Variants in ADGRG3 observed in about 807,000 individuals in gnomAD.
ADGRG3 encodes G protein-coupled receptor 97.
In ADGRG3, 39 loss-of-function variants were observed where a neutral mutation model predicts 54.3. That is an observed-to-expected ratio of 0.72 (90% CI 0.56 to 0.94). The LOEUF (loss-of-function observed/expected upper bound fraction) is 0.94. Among genes scored for constraint, ADGRG3 ranks in the 40% least tolerant of loss-of-function variants. ADGRG3 has a pLI of 0.00. For missense variants in ADGRG3, 654 were observed against 694.6 expected (o/e 0.94, Z 0.66); for synonymous variants, 312 against 290.0 (o/e 1.08, Z -0.77).
intron 2 of ADGRG3, chr16:57,674,726 G>A: frequency 3.1e-6 from 1 of 320,662 alleles, no homozygotes; most frequent in Non-Finnish European, 6.4e-6. Context: ...GCTCACACAA[G>A]TAATCCTAGC....
chr16:57,681,177 G>C (rs2048360652), intron 8 of ADGRG3: 3 of 160,408 alleles, frequency 1.9e-5, no homozygotes, highest in Non-Finnish European at 4.2e-5. Context: ...CAAAAATAGT[G>C]CAGAGTCCTG....
rs2048328777 is a variant in ADGRG3, at chr16:57,679,721, A to C, written c.628-95A>C. 1.1e-5 allele frequency: 11 copies of C among 969,288 alleles called. No individual in the cohort carries two copies. In the East Asian group the frequency reaches 2.4e-4, roughly 21 times the overall value. The allele number at this position is 969,288 out of a possible 1,614,324, so 60.0% of individuals were successfully genotyped here. A position where few individuals can be genotyped will look rare whatever the true frequency, so the allele number is the denominator to read the frequency against. On this transcript the variant is annotated intron_variant, in intron 5 of 11. Coordinates refer to ENST00000333493, the MANE Select transcript of ADGRG3 (RefSeq NM_170776.5). ...TGCTTTCTACCTAATGCACACTCAC[A>C]CTAGGACTCGGGGGAGCACACCGTC...
At chr16:57,670,434 G>A (rs776590713) in intron 1 of ADGRG3, among the ~76,000 whole-genome samples, 3 of 152,098 alleles carry the variant, frequency 2.0e-5, no homozygotes, top group Non-Finnish European at 4.4e-5. Context: ...CAGCAGGGCC[G>A]GGATGGCAGA....
rs2048199821 is a variant in ADGRG3 at position 57,673,481 on chromosome 16, C to G, written c.206+13C>G. The G allele has an allele frequency of 2.5e-6, 4 of 1,591,036 alleles. No homozygotes were observed. Among genetic ancestry groups the G allele is most frequent in the Non-Finnish European group, 3.4e-6 (4 of 1,161,336 alleles). On this transcript the variant is annotated intron_variant, in intron 2 of 11. Coordinates refer to ENST00000333493, the MANE Select transcript of ADGRG3 (RefSeq NM_170776.5). ...AAAACTTGCAGAGGTGAGGGGGCCCCCTGAGCTGGAGGGGGAATCTGAAGC... is the reference window on the plus strand; with the variant it reads ...AAAACTTGCAGAGGTGAGGGGGCCCGCTGAGCTGGAGGGGGAATCTGAAGC...
chr16:57,684,689 G>C (rs904023326), intron 10 of ADGRG3, among the ~76,000 whole-genome samples: 1 of 152,138 alleles, frequency 6.6e-6, no homozygotes, highest in African/African-American at 2.4e-5. Flanking sequence ...ATGAGAGAGG[G>C]GGCCTGAGAA....
chr16:57,670,215 G>C (rs552428067), intron 1 of ADGRG3, among the ~76,000 whole-genome samples: 3 of 152,352 alleles, frequency 2.0e-5, no homozygotes, highest in Admixed American at 2.0e-4. Flanking sequence ...AGAGGGTCTG[G>C]AGAGGAGGGG....
intron 11 of ADGRG3, among the ~76,000 whole-genome samples, chr16:57,687,700 A>T (rs990221118): frequency 6.6e-6 from 1 of 152,224 alleles, no homozygotes; most frequent in Non-Finnish European, 1.5e-5. Flanking sequence ...CCATGCCTGG[A>T]GAATCCCAGG....
At position 57,688,759 on chromosome 16, in the gene ADGRG3, A is replaced by C. The variant is rs1597785865; in HGVS notation, c.*298A>C. ...TGCCCTCATTGCAAAGCCCTCACTC[A>C]CCTTCTGGTCTCAGCAAGGGAGGAG... On this transcript the variant is annotated 3_prime_UTR_variant, in exon 12 of 12. Transcript: ENST00000333493. The C allele has an allele frequency of 6.5e-6, 2 of 307,940 alleles. No homozygotes were observed. Among genetic ancestry groups the C allele is most frequent in the East Asian group, 5.9e-5 (1 of 16,906 alleles). 19.1% of individuals were successfully genotyped at this position (307,940 alleles called of 1,614,324 possible). A position where few individuals can be genotyped will look rare whatever the true frequency, so the allele number is the denominator to read the frequency against.
intron 1 of ADGRG3, among the ~76,000 whole-genome samples, chr16:57,669,155 T>C (rs2048106728): frequency 6.6e-6 from 1 of 152,212 alleles, no homozygotes; most frequent in Non-Finnish European, 1.5e-5. Flanking sequence ...TGCTCCCTCC[T>C]CAGTGCTCCT....
intron 4 of ADGRG3, chr16:57,678,914 C>A: frequency 1.9e-6 from 1 of 533,768 alleles, no homozygotes; most frequent in Non-Finnish European, 3.4e-6. Flanking sequence ...GTTAAGAGGG[C>A]AGAGGAGCTC....
chr16:57,681,072 T>A (rs2148708661), intron 8 of ADGRG3: 1 of 164,856 alleles, frequency 6.1e-6, no homozygotes, highest in South Asian at 1.6e-4. Context: ...CCTTAGCTGC[T>A]TAGGCAGAAA....
chr16:57,674,886 C>T (rs904816064), intron 2 of ADGRG3, among the ~76,000 whole-genome samples: 26 of 146,570 alleles, frequency 1.8e-4, no homozygotes, highest in Non-Finnish European at 3.7e-4. Context: ...ATCCCAGCTA[C>T]TCGGGAGGCT....
intron 3 of ADGRG3, among the ~76,000 whole-genome samples, chr16:57,676,882 G>A (rs1450212608): frequency 6.6e-6 from 1 of 152,136 alleles, no homozygotes; most frequent in African/African-American, 2.4e-5. Context: ...AATGAGAGGA[G>A]CAAATGAGAT....
At chr16:57,683,833 T>G (rs1597778824) in intron 8 of ADGRG3, 99 bp from the exon 9 acceptor site, 8 of 864,512 alleles carry the variant, frequency 9.3e-6, no homozygotes, top group Admixed American at 3.1e-5. Context: ...GCAGTGGGGG[T>G]GGAGAGCCAT....
At position 57,688,828 on chromosome 16, in the gene ADGRG3, C is replaced by CCCT. The variant is rs2048521508; in HGVS notation, c.*377_*379dup. 2 of 176,438 alleles carry CCCT rather than the reference C, an allele frequency of 1.1e-5. No homozygotes were observed. The highest frequency in any genetic ancestry group is 2.9e-4 in the East Asian group (2 of 6,796). 10.9% of individuals were successfully genotyped at this position (176,438 alleles called of 1,614,324 possible). A position where few individuals can be genotyped will look rare whatever the true frequency, so the allele number is the denominator to read the frequency against. ...CCCTGGAAGGAGCCCCCAGCCTCTCCCCTCCTCCTCCTTGTCACTGGCCTC... is the reference window on the plus strand; with the variant it reads ...CCCTGGAAGGAGCCCCCAGCCTCTCCCCTCCTCCTCCTCCTTGTCACTGGCCTC... On this transcript the variant is annotated 3_prime_UTR_variant, in exon 12 of 12. Transcript: ENST00000333493.
chr16:57,678,072 C>T lies in ADGRG3; in HGVS notation c.346-98C>T, dbSNP rs2048294798. 6.1e-6 allele frequency: 9 copies of T among 1,484,372 alleles called. No homozygotes were observed. In the East Asian group the frequency reaches 1.4e-4, roughly 22 times the overall value. The allele number at this position is 1,484,372 out of a possible 1,614,324, so 92.0% of individuals were successfully genotyped here. A position where few individuals can be genotyped will look rare whatever the true frequency, so the allele number is the denominator to read the frequency against. ...AGCTGACAGTCCCCAGGTGCTGCCC[C>T]CTACCCAGTGTGCCTGCTTCCCCTC... On this transcript the variant is annotated intron_variant, in intron 3 of 11. Transcript: ENST00000333493.
chr16:57,678,338 A>C (rs373240069), intron 4 of ADGRG3, 22 bp downstream of exon 4: 4 of 1,613,216 alleles, frequency 2.5e-6, no homozygotes, highest in Non-Finnish European at 2.5e-6. Flanking sequence ...GGGAAGCTCC[A>C]AGGTTAAGTG....
At chr16:57,668,946 G>A (rs995795241) in intron 1 of ADGRG3, among the ~76,000 whole-genome samples, 3 of 152,242 alleles carry the variant, frequency 2.0e-5, no homozygotes, top group African/African-American at 4.8e-5. Context: ...ACTCCTCCCC[G>A]TCACTCTCCC....
intron 5 of ADGRG3, 39 bp from the exon 6 acceptor site, chr16:57,679,777 C>T: frequency 6.3e-7 from 1 of 1,580,638 alleles, no homozygotes; most frequent in Non-Finnish European, 8.7e-7. Context: ...CCCCAAACTT[C>T]CCTTTTCCTC....
Sources: allele counts gnomAD v4.1 joint callset (sites outside exome capture counted in the v4.1 genomes callset), GRCh38; gene constraint gnomAD v4.1.1; transcripts MANE v1.5; gene names NCBI Gene and HGNC (gene_info 2026-07-23, HGNC 2026-07-21).